ESR1: variants seen among roughly 807,000 people sequenced by gnomAD.
The protein encoded by ESR1 is estrogen receptor 1.
In ESR1, 12 loss-of-function variants were observed where a neutral mutation model predicts 52.7. That is an observed-to-expected ratio of 0.23 (90% CI 0.15 to 0.37). ESR1 has a LOEUF of 0.37. Ranked by LOEUF, ESR1 falls within the 10% of genes least tolerant of loss-of-function variation. The pLI, the probability that ESR1 is intolerant of heterozygous loss-of-function variation, is 1.00. For synonymous variants in ESR1, 305 were observed against 316.8 expected (o/e 0.96, Z 0.39); for missense variants, 584 against 779.7 (o/e 0.75, Z 2.99).
intron 4 of ESR1, among the ~76,000 whole-genome samples, chr6:151,979,560 A>G (rs2039796542): frequency 6.6e-6 from 1 of 152,148 alleles, no homozygotes; most frequent in Non-Finnish European, 1.5e-5. Context: ...AATCATATAA[A>G]ATCATATTTT....
At chr6:152,005,714 A>G (rs1036733935) in intron 4 of ESR1, among the ~76,000 whole-genome samples, 3 of 152,066 alleles carry the variant, frequency 2.0e-5, no homozygotes, top group African/African-American at 7.2e-5. Flanking sequence ...GCTTTCAGAG[A>G]TATTAATTAG....
intron 3 of ESR1, among the ~76,000 whole-genome samples, chr6:151,928,658 T>C (rs1035246759): frequency 1.3e-5 from 2 of 151,922 alleles, no homozygotes; most frequent in African/African-American, 4.8e-5. Context: ...AGGTTGGTTA[T>C]TGATATTATA....
intron 3 of ESR1, among the ~76,000 whole-genome samples, chr6:151,916,674 A>T (rs921078843): frequency 6.6e-6 from 1 of 152,154 alleles, no homozygotes; most frequent in Non-Finnish European, 1.5e-5. Flanking sequence ...TAATACCAGG[A>T]CTTGCCCAGA....
At chr6:151,815,747 A>G (rs1439695818) in intron 1 of ESR1, among the ~76,000 whole-genome samples, 1 of 152,232 alleles carries the variant, frequency 6.6e-6, no homozygotes, top group Admixed American at 6.5e-5. Flanking sequence ...GTGCTTTCTC[A>G]GTCCTTTGCA....
At chr6:152,088,208 A>C (rs12661811) in intron 6 of ESR1, among the ~76,000 whole-genome samples, 1 of 152,208 alleles carries the variant, frequency 6.6e-6, no homozygotes, top group Non-Finnish European at 1.5e-5. Context: ...AAAGTAGGAA[A>C]CATAATAAAG....
exon 7 of ESR1, chr6:152,127,478 T>G (rs560236957): frequency 1.3e-5 from 2 of 152,332 alleles, no homozygotes; most frequent in South Asian, 4.1e-4. Flanking sequence ...ACCAAGGGTG[T>G]GCCGACTCAT....
At chr6:151,895,775 G>A (rs1252761985) in intron 3 of ESR1, among the ~76,000 whole-genome samples, 1 of 152,134 alleles carries the variant, frequency 6.6e-6, no homozygotes, top group Non-Finnish European at 1.5e-5. Context: ...TTTTTGATAT[G>A]CTGTTTGATT....
At chr6:152,073,159 G>C (rs964733990) in intron 6 of ESR1, among the ~76,000 whole-genome samples, 1 of 151,994 alleles carries the variant, frequency 6.6e-6, no homozygotes, top group Non-Finnish European at 1.5e-5. Flanking sequence ...GAAGAGTTTC[G>C]GAAATGTGAG....
chr6:151,775,540 G>A (rs546916995), intron 2 of ESR1, among the ~76,000 whole-genome samples: 138 of 152,232 alleles, frequency 9.1e-4, no homozygotes, highest in African/African-American at 3.1e-3. Flanking sequence ...AAGATCAGAA[G>A]ATCGAGACCA....
intron 1 of ESR1, chr6:151,809,361 CTTTTGTT>C (rs574950134): frequency 1.5e-3 from 400 of 271,210 alleles, no homozygotes; most frequent in African/African-American, 7.7e-3. Context: ...CCAGTTTCTC[CTTTTGTT>C]TTTTGTTTTT....
intron 4 of ESR1, among the ~76,000 whole-genome samples, chr6:151,956,845 T>TATATATATATATATATATATAA (rs1562594202): frequency 6.5e-5 from 2 of 30,796 alleles, no homozygotes; most frequent in African/African-American, 1.2e-4. Context: ...TATAAATAAA[T>TATATATATATATATATATATAA]ATATATATAT....
At chr6:151,795,252 T>C (rs890818868) in intron 2 of ESR1, among the ~76,000 whole-genome samples, 4 of 151,958 alleles carry the variant, frequency 2.6e-5, no homozygotes, top group Non-Finnish European at 5.9e-5. Context: ...GTTGGGAGGC[T>C]GAGGTGGGGG....
At chr6:151,900,548 C>G (rs755625245) in intron 3 of ESR1, among the ~76,000 whole-genome samples, 8 of 152,138 alleles carry the variant, frequency 5.3e-5, no homozygotes, top group Non-Finnish European at 1.0e-4. Context: ...GATTGTTTTT[C>G]TGGTTCCTTC....
At chr6:151,720,641 C>G (rs544821445) in intron 2 of ESR1, among the ~76,000 whole-genome samples, 199 of 152,192 alleles carry the variant, frequency 1.3e-3, no homozygotes, top group Non-Finnish European at 2.4e-3. Flanking sequence ...TAAAAAACAA[C>G]AAGTATAATT....
chr6:151,692,858 A>G (rs1316195605), intron 1 of ESR1, among the ~76,000 whole-genome samples: 1 of 152,220 alleles, frequency 6.6e-6, no homozygotes. Context: ...CTTTCGGAGA[A>G]TGAAGGGGCT....
At chr6:151,893,667 A>G (rs905610303) in intron 3 of ESR1, among the ~76,000 whole-genome samples, 7 of 152,068 alleles carry the variant, frequency 4.6e-5, no homozygotes, top group Non-Finnish European at 1.0e-4. Flanking sequence ...TTTTTCCTTC[A>G]CTAAGACTTC....
At chr6:152,026,932 T>C (rs1285126527) in intron 5 of ESR1, among the ~76,000 whole-genome samples, 1 of 152,090 alleles carries the variant, frequency 6.6e-6, no homozygotes, top group Non-Finnish European at 1.5e-5. Flanking sequence ...TATGAGGTAA[T>C]TGTAAGCTAA....
chr6:151,851,614 G>A lies in ESR1; in HGVS notation c.643+8827G>A, dbSNP rs573949935. Among the ~76,000 whole-genome samples the A allele has an allele frequency of 1.1e-4, 17 of 148,958 alleles. No individual in the cohort carries two copies. The South Asian group carries it at 1.5e-3, about 13-fold the overall frequency. On this transcript the variant is annotated intron_variant, in intron 2 of 7. Transcript: ENST00000206249. ...ATTGTGTCAGCTCACAACAACCTCC[G>A]TCTCCTGGGTTCAAGCAATTCTCCT...
chr6:151,921,599 T>G (rs577740689), intron 3 of ESR1, among the ~76,000 whole-genome samples: 1 of 152,136 alleles, frequency 6.6e-6, no homozygotes, highest in Admixed American at 6.5e-5. Flanking sequence ...CGCCAGCATC[T>G]GTTGTTTCTT....
Sources: gnomAD v4.1 joint callset for allele counts (sites outside exome capture counted in the v4.1 genomes callset) on GRCh38, gnomAD v4.1.1 for gene constraint, MANE v1.5 for transcripts, NCBI Gene and HGNC (gene_info 2026-07-23, HGNC 2026-07-21) for gene names.